Variants in SDR42E2 observed in about 807,000 individuals in gnomAD.
SDR42E2 encodes the protein short chain dehydrogenase/reductase family 42E, member 2.
A neutral mutation model predicts 10.5 loss-of-function variants in SDR42E2; 20 were observed. The ratio of observed to expected loss-of-function variants is 1.90; its 90% CI spans 1.34 to 2.77. The LOEUF is 2.77. SDR42E2 is among the 30% of genes most tolerant of loss of function. The pLI, the probability that SDR42E2 is intolerant of heterozygous loss-of-function variation, is 0.00. For synonymous variants in SDR42E2, 72 were observed against 39.2 expected, an observed-to-expected ratio of 1.84 and a Z score of -3.12; for missense variants, 162 against 104.2, an observed-to-expected ratio of 1.55 and a Z score of -2.42.
chr16:22,186,233 G>C (rs2046735784), intron 11 of SDR42E2, among the ~76,000 whole-genome samples: 1 of 150,418 alleles, frequency 6.6e-6, no homozygotes, highest in African/African-American at 2.4e-5. Context: ...TTCTGACGGA[G>C]TCTTATTATG....
In SDR42E2 at chr16:22,170,964, C is replaced by T. The variant is rs368410175; in HGVS notation, c.513+13C>T. The T allele has an allele frequency of 3.2e-4, 222 of 702,880 alleles. 4 individuals carry two copies. In the East Asian group the frequency reaches 3.6e-3, roughly 12 times the overall value. The allele number at this position is 702,880 out of a possible 1,614,324, so 43.5% of individuals were successfully genotyped here. Reference sequence around the variant, plus strand: ...CCCATTGGACGAGGTACCTGTCTTCCGGGAGAGGTGGGCAGGACCCGCGGG... The same window carrying T: ...CCCATTGGACGAGGTACCTGTCTTCTGGGAGAGGTGGGCAGGACCCGCGGG... On this transcript the variant is annotated intron_variant, in intron 6 of 12. Coordinates refer to ENST00000602312, the MANE Select transcript of SDR42E2 (RefSeq NM_001394319.2).
At position 22,190,788 on chromosome 16, in the gene SDR42E2, C is replaced by G. The variant is rs1287591797; in HGVS notation, c.*395C>G. On this transcript the variant is annotated 3_prime_UTR_variant, in exon 13 of 13. Coordinates refer to ENST00000602312, the MANE Select transcript of SDR42E2 (RefSeq NM_001394319.2). ...GACCCGCCCTTCAAATTGGGCACGCCTTCTTCCCCGCTCACTGATTTCCTG... is the reference window on the plus strand; with the variant it reads ...GACCCGCCCTTCAAATTGGGCACGCGTTCTTCCCCGCTCACTGATTTCCTG... 5.4e-6 allele frequency: 1 copy of G among 186,868 alleles called. No individual in the cohort carries two copies. The highest frequency in any genetic ancestry group is 1.1e-5 in the Non-Finnish European group (1 of 91,230). 11.6% of individuals were successfully genotyped at this position (186,868 alleles called of 1,614,324 possible). A position where few individuals can be genotyped will look rare whatever the true frequency, so the allele number is the denominator to read the frequency against.
At chr16:22,185,357 T>C (rs1259171723) in intron 11 of SDR42E2, among the ~76,000 whole-genome samples, 1 of 152,170 alleles carries the variant, frequency 6.6e-6, no homozygotes, top group Admixed American at 6.5e-5. Context: ...AGGGAACACA[T>C]GCAGGGCAAC....
chr16:22,187,159 A>C (rs1004908385), intron 12 of SDR42E2, among the ~76,000 whole-genome samples: 13 of 152,052 alleles, frequency 8.5e-5, no homozygotes, highest in Admixed American at 3.9e-4. Context: ...CCAACTCTCA[A>C]CACATACATA....
In SDR42E2 at chr16:22,181,711, G is replaced by A. The variant is rs116924475; in HGVS notation, c.810+55G>A. The A allele has an allele frequency of 4.2e-4, 287 of 682,658 alleles. 3 individuals carry two copies. The highest frequency in any genetic ancestry group is 2.9e-3 in the East Asian group (107 of 37,044). The allele number at this position is 682,658 out of a possible 1,614,324, so 42.3% of individuals were successfully genotyped here. ...TTCCCCACAGGGCTGCAGGCAGAGCGTCCCATCCCTAGGGGATTTCTGGAT... is the reference window on the plus strand; with the variant it reads ...TTCCCCACAGGGCTGCAGGCAGAGCATCCCATCCCTAGGGGATTTCTGGAT... On this transcript the variant is annotated intron_variant, in intron 9 of 12. Coordinates refer to ENST00000602312, the MANE Select transcript of SDR42E2 (RefSeq NM_001394319.2).
At chr16:22,170,016 G>A (rs2046582460) in intron 5 of SDR42E2, among the ~76,000 whole-genome samples, 2 of 151,506 alleles carry the variant, frequency 1.3e-5, no homozygotes, top group Admixed American at 6.6e-5. Flanking sequence ...TGGGTAACAA[G>A]AGCAAAACTC....
chr16:22,188,675 C>T (rs553215252), intron 12 of SDR42E2, among the ~76,000 whole-genome samples: 47 of 152,248 alleles, frequency 3.1e-4, no homozygotes, highest in Admixed American at 6.5e-4. Context: ...GACTTGGCTC[C>T]TCTCCCTCTT....
Position 22,190,189 on chromosome 16 carries a change from C to G in SDR42E2, c.1065C>G (p.Ala355=). The G allele has an allele frequency of 5.0e-6, 2 of 401,128 alleles. No homozygotes were observed. Among genetic ancestry groups the G allele is most frequent in the Middle Eastern group, 3.1e-4 (1 of 3,216 alleles). 24.8% of individuals were successfully genotyped at this position (401,128 alleles called of 1,614,324 possible). Residue 355 remains alanine (A), a synonymous_variant, in exon 13 of 13, where the codon GCC becomes GCG. Transcript: ENST00000602312. ...THTFQIAKAR[A]QLGYAPDKFR... is the part of the protein sequence containing the mutation. Reference sequence around the variant, plus strand: ...CCTTCCAGATAGCCAAGGCCCGCGCCCAGCTCGGCTACGCGCCGGATAAGT... The same window carrying G: ...CCTTCCAGATAGCCAAGGCCCGCGCGCAGCTCGGCTACGCGCCGGATAAGT...
intron 7 of SDR42E2, among the ~76,000 whole-genome samples, chr16:22,175,603 G>C (rs570616588): frequency 5.1e-4 from 76 of 150,214 alleles, no homozygotes; most frequent in African/African-American, 1.7e-3. Flanking sequence ...GATTGCTTGA[G>C]CCTGGGAGGT....
intron 7 of SDR42E2, among the ~76,000 whole-genome samples, chr16:22,176,352 C>T (rs2142070580): frequency 6.6e-6 from 1 of 152,146 alleles, no homozygotes; most frequent in East Asian, 1.9e-4. Flanking sequence ...TGAATGTTCC[C>T]AAGACAAAGA....
chr16:22,190,467 C>G lies in SDR42E2; in HGVS notation c.*74C>G. 2.5e-6 allele frequency: 1 copy of G among 400,806 alleles called. No homozygotes were observed. The highest frequency in any genetic ancestry group is 4.4e-6 in the Non-Finnish European group (1 of 226,926). The allele number at this position is 400,806 out of a possible 1,614,324, so 24.8% of individuals were successfully genotyped here. A position where few individuals can be genotyped will look rare whatever the true frequency, so the allele number is the denominator to read the frequency against. On this transcript the variant is annotated 3_prime_UTR_variant, in exon 13 of 13. Transcript: ENST00000602312. ...CCACGCCCGGCTCCCTGGGCTTGTA[C>G]CAGCCCCTGCCCCGCCTTCTGGGTT... is the stretch of plus-strand genomic sequence containing the variant.
chr16:22,177,940 G>A (rs927803889), intron 7 of SDR42E2, among the ~76,000 whole-genome samples, 190 bp from the exon 8 acceptor site: 1 of 151,770 alleles, frequency 6.6e-6, no homozygotes, highest in East Asian at 1.9e-4. Context: ...TTGGAGGTGG[G>A]AGTGAGACTC....
intron 5 of SDR42E2, 120 bp downstream of exon 5, chr16:22,169,622 C>T (rs1038692354): frequency 1.2e-5 from 8 of 688,440 alleles, no homozygotes; most frequent in Non-Finnish European, 1.6e-5. Context: ...GCGCATCCTT[C>T]GTGCACTGCA....
intron 10 of SDR42E2, among the ~76,000 whole-genome samples, chr16:22,182,651 G>A (rs572960082): frequency 4.6e-5 from 7 of 152,230 alleles, no homozygotes; most frequent in East Asian, 1.9e-4. Context: ...CTCGGCCTGC[G>A]GCCTTCTCTT....
intron 10 of SDR42E2, 68 bp downstream of exon 10, chr16:22,182,345 A>AG: frequency 5.8e-6 from 2 of 344,078 alleles, no homozygotes; most frequent in Non-Finnish European, 1.0e-5. Flanking sequence ...CTTCCTTTTT[A>AG]TTTTTTTTTT....
intron 8 of SDR42E2, 107 bp from the exon 9 acceptor site, chr16:22,181,412 C>G: frequency 3.0e-6 from 2 of 674,356 alleles, no homozygotes; most frequent in Non-Finnish European, 5.4e-6. Flanking sequence ...GAGCCTGGAG[C>G]AGAGGGGCCT....
At chr16:22,169,544 C>A (rs534086197) in intron 5 of SDR42E2, 42 bp downstream of exon 5, 15 of 703,236 alleles carry the variant, frequency 2.1e-5, no homozygotes, top group South Asian at 2.1e-4. Flanking sequence ...TGCCTCTCCC[C>A]CTCTCTCCCT....
intron 11 of SDR42E2, among the ~76,000 whole-genome samples, chr16:22,186,025 G>A (rs1414416647): frequency 6.6e-6 from 1 of 152,062 alleles, no homozygotes; most frequent in African/African-American, 2.4e-5. Context: ...ACAGGCATGA[G>A]CCACCACACC....
chr16:22,188,179 C>T (rs115585572), intron 12 of SDR42E2, among the ~76,000 whole-genome samples: 2,505 of 151,736 alleles, frequency 0.017, 73 homozygotes, highest in African/African-American at 0.057. Flanking sequence ...AAAAAAAAAT[C>T]GTGATCTCCA....
Sources: gnomAD v4.1 joint callset for allele counts (sites outside exome capture counted in the v4.1 genomes callset) on GRCh38, gnomAD v4.1.1 for gene constraint, MANE v1.5 for transcripts, NCBI Gene and HGNC (gene_info 2026-07-23, HGNC 2026-07-21) for gene names.